TSPEAR: variants seen among roughly 807,000 people sequenced by gnomAD.
TSPEAR encodes the protein thrombospondin-type laminin G domain and EAR repeat-containing protein.
In TSPEAR, 69 loss-of-function variants were observed where a neutral mutation model predicts 71.6. That is an observed-to-expected ratio of 0.96 (90% CI 0.79 to 1.18). The LOEUF is 1.18. Among genes scored for constraint, TSPEAR ranks in the 50% most tolerant of loss-of-function variants. The pLI is 0.00. For synonymous variants in TSPEAR, 402 were observed against 387.2 expected (o/e 1.04, Z -0.45); for missense variants, 971 against 894.9 (o/e 1.09, Z -1.09).
intron 2 of TSPEAR, among the ~76,000 whole-genome samples, chr21:44,562,630 C>T (rs1170088389): frequency 6.6e-6 from 1 of 151,988 alleles, no homozygotes; most frequent in Non-Finnish European, 1.5e-5. Context: ...AAGAGAAAAA[C>T]AAGTTATTTA....
chr21:44,650,412 T>TGTGAGGACGGCGGCAGAGACTGGGGCCAC (rs1569240976), intron 1 of TSPEAR, among the ~76,000 whole-genome samples: 1 of 14,698 alleles, frequency 6.8e-5, no homozygotes, highest in African/African-American at 6.3e-4. Context: ...GAGAACGCCA[T>TGTGAGGACGGCGGCAGAGACTGGGGCCAC]GTGACGACGG....
In TSPEAR at chr21:44,648,640, C is replaced by T. The variant is rs965247103; in HGVS notation, c.82+62793G>A. Among the ~76,000 whole-genome samples, 9 of 152,300 alleles carry T rather than the reference C, an allele frequency of 5.9e-5. No homozygotes were observed. The South Asian group carries it at 8.3e-4, about 14-fold the overall frequency. ...AAGGCACAGGGGAGTCGGCACAGGGCGCACCAACATTGCTGAGGCCAAGCC... is the reference window on the plus strand; with the variant it reads ...AAGGCACAGGGGAGTCGGCACAGGGTGCACCAACATTGCTGAGGCCAAGCC... On this transcript the variant is annotated intron_variant, in intron 1 of 11. Transcript: ENST00000323084.
At chr21:44,702,541 T>TC in intron 1 of TSPEAR, 1 of 1,609,712 alleles carries the variant, frequency 6.2e-7, no homozygotes. Context: ...TGGGGCTTCC[T>TC]CCCTGTGCTG....
chr21:44,626,034 A>C (rs903657023), intron 1 of TSPEAR, among the ~76,000 whole-genome samples: 1 of 152,244 alleles, frequency 6.6e-6, no homozygotes, highest in Non-Finnish European at 1.5e-5. Context: ...GGTCTGACCC[A>C]GAATGTTAGC....
chr21:44,568,397 A>G (rs1057501894), intron 1 of TSPEAR, among the ~76,000 whole-genome samples: 3 of 152,196 alleles, frequency 2.0e-5, no homozygotes, highest in African/African-American at 7.2e-5. Flanking sequence ...GCGGCTGGGA[A>G]TGAGACCAGG....
At chr21:44,697,965 G>C in intron 1 of TSPEAR, 1 of 1,593,106 alleles carries the variant, frequency 6.3e-7, no homozygotes, top group Non-Finnish European at 8.6e-7. Flanking sequence ...CAGAAGTCCA[G>C]CTGCTGCCAG....
rs1555910933 is a variant in TSPEAR, at chr21:44,499,936, C to T, written c.1857G>A (p.Arg619=). The T allele has an allele frequency of 6.2e-7, 1 of 1,604,154 alleles. No individual in the cohort carries two copies. Among genetic ancestry groups the T allele is most frequent in the Non-Finnish European group, 8.5e-7 (1 of 1,177,074 alleles). ...CCACGAAGCCCTCGTAGCCCTGCCA[C>T]CTGCGGAACAGACAGCGGCAGCCGG... ...RTFSVNSIIY[R]WQGYEGFVAV... Residue 619 remains arginine, a splice_region_variant and synonymous_variant, in exon 12 of 12, where the codon AGG becomes AGA. Transcript: ENST00000323084.
At position 44,612,527 on chromosome 21, in the gene TSPEAR, T is replaced by A. The variant is rs1386348368; in HGVS notation, c.83-44522A>T. 5.0e-6 allele frequency: 8 copies of A among 1,605,742 alleles called. No individual in the cohort carries two copies. The highest frequency in any genetic ancestry group is 1.7e-5 in the Admixed American group (1 of 59,522). ...CGTGTCCATCTGCTCTGGAGCTTCC[T>A]CCCCATGCTGCCAGCAGTCTAGCTG... is the stretch of plus-strand genomic sequence containing the variant. On this transcript the variant is annotated intron_variant, in intron 1 of 11. Transcript: ENST00000323084. This position sits in a 1 kb window ranked among gnomAD's most constrained non-coding sequence, Gnocchi z 4.1.
At chr21:44,600,935 G>A in intron 1 of TSPEAR, 2 of 1,612,100 alleles carry the variant, frequency 1.2e-6, no homozygotes, top group Non-Finnish European at 1.7e-6. Flanking sequence ...TCCTCCCCCT[G>A]CCAGCAGGCC....
chr21:44,509,512 A>AGGGGGCGCAGAGGTGGGGGGGG (rs2052300379), intron 9 of TSPEAR, 126 bp from the exon 10 acceptor site: 1 of 161,778 alleles, frequency 6.2e-6, no homozygotes, highest in Admixed American at 7.0e-5. Context: ...GGTGTGGGGG[A>AGGGGGCGCAGAGGTGGGGGGGG]GGGGGCGCAG....
intron 1 of TSPEAR, chr21:44,601,817 A>G: frequency 6.5e-7 from 1 of 1,532,692 alleles, no homozygotes; most frequent in South Asian, 1.3e-5. Flanking sequence ...GGCTCTCCAC[A>G]TCCCGCTCCT....
chr21:44,529,652 C>T (rs1227364927), intron 5 of TSPEAR, 146 bp downstream of exon 5: 1 of 901,810 alleles, frequency 1.1e-6, no homozygotes, highest in Admixed American at 2.5e-5. Flanking sequence ...TCCCCCTGGC[C>T]AATATGACCG....
At chr21:44,651,396 C>T (rs587640577) in intron 1 of TSPEAR, among the ~76,000 whole-genome samples, 15 of 152,316 alleles carry the variant, frequency 9.8e-5, no homozygotes, top group Non-Finnish European at 2.1e-4. Context: ...TCGAACAACA[C>T]GAATGGATCA....
chr21:44,546,198 C>A lies in TSPEAR; in HGVS notation c.304-12275G>T, dbSNP rs1262886682. On this transcript the variant is annotated intron_variant, in intron 2 of 11. Transcript: ENST00000323084. The surrounding 1 kb of genome is among the most constrained non-coding windows in gnomAD (Gnocchi z 4.4). ...TATGTAATGGAAGAATTCTTATAAACACACAAACTACCGACATGGCTACCT... is the reference window on the plus strand; with the variant it reads ...TATGTAATGGAAGAATTCTTATAAAAACACAAACTACCGACATGGCTACCT... Among the ~76,000 whole-genome samples the A allele has an allele frequency of 9.2e-5, 14 of 152,210 alleles. No individual in the cohort carries two copies. The highest frequency in any genetic ancestry group is 7.9e-4 in the Admixed American group (12 of 15,276).
In TSPEAR at chr21:44,627,592, T is replaced by C. The variant is rs781880780; in HGVS notation, c.83-59587A>G. On this transcript the variant is annotated intron_variant, in intron 1 of 11. Transcript: ENST00000323084. ...CTCTTCCTCCTGCCAGCCGGCCTGCTGTGTGCCCGTCTGCTGCAAACCTGT... is the reference window on the plus strand; with the variant it reads ...CTCTTCCTCCTGCCAGCCGGCCTGCCGTGTGCCCGTCTGCTGCAAACCTGT... 8 of 1,613,276 alleles carry C rather than the reference T, an allele frequency of 5.0e-6. No individual in the cohort carries two copies. Among genetic ancestry groups the C allele is most frequent in the East Asian group, 2.2e-5 (1 of 44,878 alleles).
At chr21:44,542,756 AAAGAAAAAG>A (rs1410603584) in intron 2 of TSPEAR, among the ~76,000 whole-genome samples, 4 of 150,022 alleles carry the variant, frequency 2.7e-5, no homozygotes, top group African/African-American at 9.8e-5. Context: ...AAAAAAAAAA[AAAGAAAAAG>A]AAAAGAAAAA....
chr21:44,515,679 A>C (rs1427418970), intron 9 of TSPEAR: 2 of 152,074 alleles, frequency 1.3e-5, no homozygotes, highest in Non-Finnish European at 2.9e-5. Context: ...CGCGGCCTGA[A>C]AATGTAGAGT....
intron 8 of TSPEAR, among the ~76,000 whole-genome samples, chr21:44,523,743 GT>G (rs1344745975): frequency 6.6e-6 from 1 of 151,564 alleles, no homozygotes; most frequent in Non-Finnish European, 1.5e-5. Flanking sequence ...CAGCCAGGTA[GT>G]TAATCAGTCA....
At chr21:44,704,603 G>A (rs148501454) in intron 1 of TSPEAR, among the ~76,000 whole-genome samples, 1 of 152,200 alleles carries the variant, frequency 6.6e-6, no homozygotes, top group Non-Finnish European at 1.5e-5. Context: ...AGGGGCAGCG[G>A]CTTGAGGGTC....
Sources: allele counts gnomAD v4.1 joint callset (sites outside exome capture counted in the v4.1 genomes callset), GRCh38; gene constraint gnomAD v4.1.1; non-coding constraint Gnocchi (gnomAD v3.1); transcripts MANE v1.5; gene names NCBI Gene and HGNC (gene_info 2026-07-23, HGNC 2026-07-21).